The following TFPI2 variants were observed in gnomAD, a reference collection of about 807,000 sequenced individuals.
TFPI2 encodes placental protein 5.
TFPI2 carries 23 observed loss-of-function variants against 23.1 expected under a neutral mutation model. That is an observed-to-expected ratio of 1.00 (90% CI 0.72 to 1.41). The LOEUF (loss-of-function observed/expected upper bound fraction) is 1.41, where lower values mean the gene tolerates loss of function less well. Among genes scored for constraint, TFPI2 ranks in the 40% most tolerant of loss-of-function variants. TFPI2 has a pLI of 0.00. For synonymous variants in TFPI2, 119 were observed against 111.7 expected (o/e 1.07, Z -0.41); for missense variants, 291 against 299.6 (o/e 0.97, Z 0.21).
At position 93,886,757 on chromosome 7, in the gene TFPI2, T is replaced by G; in HGVS notation, c.*63A>C. Reference sequence around the variant, plus strand: ...GTTTCCTCATGCTGTCATATTATTCTTCAGATACAACCATAAAGGCAAATA... The same window carrying G: ...GTTTCCTCATGCTGTCATATTATTCGTCAGATACAACCATAAAGGCAAATA... On this transcript the variant is annotated 3_prime_UTR_variant, in exon 5 of 5. Transcript: ENST00000222543. 1 of 1,021,606 alleles carries G rather than the reference T, an allele frequency of 9.8e-7. No individual in the cohort carries two copies. The highest frequency in any genetic ancestry group is 1.7e-5 in the African/African-American group (1 of 58,810). The allele number at this position is 1,021,606 out of a possible 1,614,324, so 63.3% of individuals were successfully genotyped here.
At chr7:93,890,486 G>A in intron 1 of TFPI2, 105 bp downstream of exon 1, 1 of 1,442,832 alleles carries the variant, frequency 6.9e-7, no homozygotes, top group Non-Finnish European at 9.3e-7. Context: ...GCGCGCGGCA[G>A]GGACCTGGAG....
intron 2 of TFPI2, chr7:93,889,773 T>C (rs1443409763): frequency 5.8e-6 from 1 of 173,392 alleles, no homozygotes; most frequent in Non-Finnish European, 1.2e-5. Flanking sequence ...AAGGAAATGA[T>C]GTACTCCAGG....
In TFPI2 at chr7:93,887,013, A is replaced by G; in HGVS notation, c.632-117T>C. On this transcript the variant is annotated intron_variant, in intron 4 of 4. Coordinates refer to ENST00000222543, the MANE Select transcript of TFPI2 (RefSeq NM_006528.4). The stretch of plus-strand genomic sequence containing the variant: ...TTCATCTTATTTTTAAGGACTGTGA[A>G]GTCAAAACTCATTATACACTCAGTT... 7.2e-6 allele frequency: 6 copies of G among 831,178 alleles called. No homozygotes were observed. In the South Asian group the frequency reaches 1.2e-4, roughly 16 times the overall value. 51.5% of individuals were successfully genotyped at this position (831,178 alleles called of 1,614,324 possible). A position where few individuals can be genotyped will look rare whatever the true frequency, so the allele number is the denominator to read the frequency against.
In TFPI2 at chr7:93,885,631, C is replaced by T. The variant is rs763753719; in HGVS notation, c.*1189G>A. The T allele has an allele frequency of 6.6e-6, 1 of 151,830 alleles. No individual in the cohort carries two copies. Among genetic ancestry groups the T allele is most frequent in the Non-Finnish European group, 1.5e-5 (1 of 67,882 alleles). The allele number at this position is 151,830 out of a possible 1,614,324, so 9.4% of individuals were successfully genotyped here. ...TCTAGGCCCTGTGTTTCTTATGTAT[C>T]CTGGGAGTCAGAAGATATGCATATA... On this transcript the variant is annotated 3_prime_UTR_variant, in exon 5 of 5. Transcript: ENST00000222543.
intron 1 of TFPI2, 41 bp from the exon 2 acceptor site, chr7:93,890,360 G>T: frequency 6.3e-7 from 1 of 1,576,816 alleles, no homozygotes; most frequent in South Asian, 1.2e-5. Flanking sequence ...GAGGGAAAGT[G>T]GTCAGGCGTA....
Position 93,890,658 on chromosome 7 carries a change from C to T in TFPI2, c.21G>A (p.Leu7=), listed in dbSNP as rs779984472. 9 of 1,613,002 alleles carry T rather than the reference C, an allele frequency of 5.6e-6. No homozygotes were observed. The highest frequency in any genetic ancestry group is 2.2e-5 in the East Asian group (1 of 44,804). The change falls in exon 1 of 5, where the codon CTG becomes CTA. Residue 7 remains leucine, a synonymous_variant. Transcript: ENST00000222543. The part of the protein sequence containing the change: MDPARP[L]GLSILLLFLT... ...GGAAAAGCAGCAGAATCGACAGCCC[C>T]AGGGGGCGAGCGGGGTCCATGGTGC...
At position 93,885,799 on chromosome 7, in the gene TFPI2, A is replaced by G. The variant is rs1017595487; in HGVS notation, c.*1021T>C. On this transcript the variant is annotated 3_prime_UTR_variant, in exon 5 of 5. Coordinates refer to ENST00000222543, the MANE Select transcript of TFPI2 (RefSeq NM_006528.4). Reference sequence around the variant, plus strand: ...CAAAATAACTGGGATAAATTTTTAAATGAAAGATTGTTCAAGCAAAAGGTA... The same window carrying G: ...CAAAATAACTGGGATAAATTTTTAAGTGAAAGATTGTTCAAGCAAAAGGTA... 1.3e-5 allele frequency: 2 copies of G among 152,094 alleles called. No individual in the cohort carries two copies. Among genetic ancestry groups the G allele is most frequent in the African/African-American group, 4.8e-5 (2 of 41,458 alleles). 9.4% of individuals were successfully genotyped at this position (152,094 alleles called of 1,614,324 possible).
In TFPI2 at chr7:93,890,689, G is replaced by T. The variant is rs375583779; in HGVS notation, c.-11C>A. ...GCGAGCGGGGTCCATGGTGCAGGGG[G>T]TCGGGCGGCCCGCTGGGCAAGGCGT... On this transcript the variant is annotated 5_prime_UTR_variant, in exon 1 of 5. Transcript: ENST00000222543. 85 of 1,604,486 alleles carry T rather than the reference G, an allele frequency of 5.3e-5. No homozygotes were observed. The highest frequency in any genetic ancestry group is 6.5e-5 in the Non-Finnish European group (77 of 1,176,738).
chr7:93,888,589 GAGAAAGAA>G (rs58431286), intron 3 of TFPI2, among the ~76,000 whole-genome samples: 4 of 103,286 alleles, frequency 3.9e-5, no homozygotes, highest in Non-Finnish European at 7.2e-5. Flanking sequence ...AGGAAGGAAA[GAGAAAGAA>G]AGAAAGAAAG....
chr7:93,890,134 T>TA lies in TFPI2; in HGVS notation c.271+2dup. ...GAGTCCTGGGTGCGCGCAGGGCACTTACTTTCTATCCTCCAGCAAGCATCG... is the reference window on the plus strand; with the variant it reads ...GAGTCCTGGGTGCGCGCAGGGCACTTAACTTTCTATCCTCCAGCAAGCATCG... On this transcript the variant is annotated splice_region_variant and intron_variant, in intron 2 of 4. Coordinates refer to ENST00000222543, the MANE Select transcript of TFPI2 (RefSeq NM_006528.4). 2 of 1,592,572 alleles carry TA rather than the reference T, an allele frequency of 1.3e-6. No individual in the cohort carries two copies. Among genetic ancestry groups the TA allele is most frequent in the Admixed American group, 3.4e-5 (2 of 59,004 alleles).
In TFPI2 at chr7:93,888,786, C is replaced by T. The variant is rs147233926; in HGVS notation, c.460+249G>A. Among the ~76,000 whole-genome samples the T allele has an allele frequency of 4.2e-3, 639 of 152,150 alleles. 11 individuals are homozygous for T. The highest frequency in any genetic ancestry group is 0.015 in the African/African-American group (619 of 41,496). On this transcript the variant is annotated intron_variant, in intron 3 of 4. Coordinates refer to ENST00000222543, the MANE Select transcript of TFPI2 (RefSeq NM_006528.4). ...AGGTTGCAGAGAGCCGAGATTGTGC[C>T]ACTGCACTCCAGCCTGGGCAACAGG...
Position 93,888,508 on chromosome 7 carries a change from G to T in TFPI2, c.460+527C>A, listed in dbSNP as rs573268358. 1.6e-4 allele frequency among the ~76,000 whole-genome samples: 21 copies of T among 133,020 alleles called. No individual in the cohort carries two copies. The East Asian group carries it at 4.3e-3, about 27-fold the overall frequency. 87.3% of individuals were successfully genotyped at this position (133,020 alleles called of 152,430 possible). The stretch of plus-strand genomic sequence containing the variant: ...CCCGTCGAAAGAAAAAAGAAAGAAA[G>T]AAAGAAAAGAAAGAAAGAAGGAAGG... On this transcript the variant is annotated intron_variant, in intron 3 of 4. Transcript: ENST00000222543.
Position 93,890,256 on chromosome 7 carries a change from C to G in TFPI2, c.152G>C (p.Arg51Pro). 1 of 1,613,808 alleles carries G rather than the reference C, an allele frequency of 6.2e-7. No individual in the cohort carries two copies. The highest frequency in any genetic ancestry group is 8.5e-7 in the Non-Finnish European group (1 of 1,179,710). ...CTGCGTGTACCTGTCGTAGTAGTAA[C>G]GGAGAAGTAGGGCCCGGCAGGGTCC... is the stretch of plus-strand genomic sequence containing the variant. ...DYGPCRALLLRYYYDRYTQSC... is the reference protein window; with the variant it reads ...DYGPCRALLLPYYYDRYTQSC... The change falls in exon 2 of 5, where the codon CGT becomes CCT. Residue 51 changes from arginine (R) to proline (P), a missense_variant. Arg to Pro is a moderately radical substitution (Grantham distance 103). Transcript: ENST00000222543.
chr7:93,890,093 G>C (rs1273142786), intron 2 of TFPI2, 44 bp downstream of exon 2: 1 of 1,507,202 alleles, frequency 6.6e-7, no homozygotes, highest in Non-Finnish European at 8.9e-7. Context: ...ACCAGCCGCC[G>C]GCGCAAGGAG....
At chr7:93,888,669 A>C (rs112026132) in intron 3 of TFPI2, among the ~76,000 whole-genome samples, 8,981 of 151,012 alleles carry the variant, frequency 0.059, 433 homozygotes, top group East Asian at 0.16. Context: ...AAGAAGAAAA[A>C]AAAAAAAATT....
chr7:93,888,589 G>GAGAAAGAAAGAAAGAAAGAAGGAAAGAA (rs58431286), intron 3 of TFPI2, among the ~76,000 whole-genome samples: 24 of 103,282 alleles, frequency 2.3e-4, no homozygotes, highest in African/African-American at 1.1e-3. Flanking sequence ...AGGAAGGAAA[G>GAGAAAGAAAGAAAGAAAGAAGGAAAGAA]AGAAAGAAAG....
At position 93,887,264 on chromosome 7, in the gene TFPI2, T is replaced by G; in HGVS notation, c.628A>C (p.Lys210Gln). The change falls in exon 4 of 5, where the codon AAA becomes CAA. Residue 210 changes from lysine (K) to glutamine (Q), a missense_variant. Transcript: ENST00000222543. The part of the protein sequence containing the change: ...SREDCKRACA[K>Q]ALKKKKKMPK... ...GGAATAAGAAAACATTCACTACCTT[T>G]TGCACATGCACGTTTGCAATCCTCC... 6.2e-7 allele frequency: 1 copy of G among 1,608,264 alleles called. No homozygotes were observed. The highest frequency in any genetic ancestry group is 1.3e-5 in the African/African-American group (1 of 74,902).
intron 3 of TFPI2, 122 bp downstream of exon 3, chr7:93,888,913 A>G: frequency 1.8e-5 from 17 of 928,128 alleles, no homozygotes; most frequent in Non-Finnish European, 2.6e-5. Flanking sequence ...ACAAGTCACT[A>G]ACTTGTCAAG....
At chr7:93,889,684 T>C (rs1794087397) in intron 2 of TFPI2, among the ~76,000 whole-genome samples, 1 of 152,108 alleles carries the variant, frequency 6.6e-6, no homozygotes, top group Non-Finnish European at 1.5e-5. Flanking sequence ...GGGACAAAAG[T>C]AGAGTTATAT....
Sources: allele counts gnomAD v4.1 joint callset (sites outside exome capture counted in the v4.1 genomes callset), GRCh38; gene constraint gnomAD v4.1.1; transcripts MANE v1.5; gene names NCBI Gene and HGNC (gene_info 2026-07-23, HGNC 2026-07-21).